The following TRIP13 variants were observed in gnomAD, a reference collection of about 807,000 sequenced individuals.
TRIP13 encodes the protein pachytene checkpoint protein 2 homolog.
A neutral mutation model predicts 54.4 loss-of-function variants in TRIP13; 25 were observed. The observed-to-expected ratio is 0.46, with a 90% CI of 0.33 to 0.64. TRIP13 has a LOEUF of 0.64. Ranked by LOEUF, TRIP13 falls within the 30% of genes least tolerant of loss-of-function variation. TRIP13 has a pLI of 0.02. For synonymous variants in TRIP13, 207 were observed against 207.8 expected, an observed-to-expected ratio of 1.00 and a Z score of 0.03; for missense variants, 373 against 534.2, an observed-to-expected ratio of 0.70 and a Z score of 2.97.
chr5:904,174 C>T lies in TRIP13; in HGVS notation c.562C>T (p.Leu188=), dbSNP rs189402529. The T allele has an allele frequency of 2.7e-5, 44 of 1,608,862 alleles. No homozygotes were observed. The Middle Eastern group carries it at 1.7e-3, about 60-fold the overall frequency. ...HGPPGTGKTS[L]CKALAQKLTI... ...TCCTCCTGGCACTGGAAAAACATCC[C>T]TGTGTAAAGCGTTAGCCCAGAAATT... The change falls in exon 6 of 13, where the codon CTG becomes TTG. Residue 188 remains leucine, a synonymous_variant. Coordinates refer to ENST00000166345, the MANE Select transcript of TRIP13 (RefSeq NM_004237.4).
chr5:896,287 C>T (rs963600111), intron 2 of TRIP13, among the ~76,000 whole-genome samples: 1 of 152,040 alleles, frequency 6.6e-6, no homozygotes, highest in Non-Finnish European at 1.5e-5. Context: ...GCACTCTAGC[C>T]TGGGCGACAA....
intron 9 of TRIP13, among the ~76,000 whole-genome samples, chr5:909,888 C>G (rs934273102): frequency 6.6e-6 from 1 of 152,394 alleles, no homozygotes; most frequent in South Asian, 2.1e-4. Context: ...GTTTTCCACC[C>G]TGGGCGGGCC....
At chr5:904,565 C>T (rs981323150) in intron 6 of TRIP13, among the ~76,000 whole-genome samples, 6 of 152,096 alleles carry the variant, frequency 3.9e-5, no homozygotes, top group Admixed American at 6.5e-5. Context: ...TTGGAAAATA[C>T]CTGGTCATTG....
chr5:907,900 C>A lies in TRIP13; in HGVS notation c.673-88C>A. 7.3e-7 allele frequency: 1 copy of A among 1,364,872 alleles called. No homozygotes were observed. The highest frequency in any genetic ancestry group is 1.0e-6 in the Non-Finnish European group (1 of 957,410). 84.5% of individuals were successfully genotyped at this position (1,364,872 alleles called of 1,614,324 possible). A position where few individuals can be genotyped will look rare whatever the true frequency, so the allele number is the denominator to read the frequency against. ...GGAGACAGTGGGCTTGTGGGGACAA[C>A]TGGGGCAGCAGGCCACATCAGGGTC... On this transcript the variant is annotated intron_variant, in intron 7 of 12. Transcript: ENST00000166345. This position sits in a 1 kb window ranked among gnomAD's most constrained non-coding sequence, Gnocchi z 4.1.
At position 917,889 on chromosome 5, in the gene TRIP13, T is replaced by A. The variant is rs1754369913; in HGVS notation, c.*786T>A. On this transcript the variant is annotated 3_prime_UTR_variant, in exon 13 of 13. Transcript: ENST00000166345. ...ATTAATATAATATAAAATAAATAGGTCAGTTACTGGTCTCTTTCTCCGAAT... is the reference window on the plus strand; with the variant it reads ...ATTAATATAATATAAAATAAATAGGACAGTTACTGGTCTCTTTCTCCGAAT... 6.6e-6 allele frequency: 1 copy of A among 152,192 alleles called. No individual in the cohort carries two copies. Among genetic ancestry groups the A allele is most frequent in the Non-Finnish European group, 1.5e-5 (1 of 68,032 alleles). The allele number at this position is 152,192 out of a possible 1,614,324, so 9.4% of individuals were successfully genotyped here.
At position 907,283 on chromosome 5, in the gene TRIP13, G is replaced by A; in HGVS notation, c.672+90G>A. 4 of 1,152,182 alleles carry A rather than the reference G, an allele frequency of 3.5e-6. No individual in the cohort carries two copies. The highest frequency in any genetic ancestry group is 5.1e-6 in the Non-Finnish European group (4 of 782,264). The allele number at this position is 1,152,182 out of a possible 1,614,324, so 71.4% of individuals were successfully genotyped here. On this transcript the variant is annotated intron_variant, in intron 7 of 12. Coordinates refer to ENST00000166345, the MANE Select transcript of TRIP13 (RefSeq NM_004237.4). This position sits in a 1 kb window ranked among gnomAD's most constrained non-coding sequence, Gnocchi z 4.1. ...GGCAAATCCTCCTCCAGAAGCTTCA[G>A]GAGAGAACTGGGTGGGAAGGGTGTG...
chr5:901,518 G>A lies in TRIP13; in HGVS notation c.535+87G>A, dbSNP rs78920571. ...CCTTCGTCCTTCTGCAAGGAGTTACGGCTCTTTGTTTTCTGAAGGAGCCAC... is the reference window on the plus strand; with the variant it reads ...CCTTCGTCCTTCTGCAAGGAGTTACAGCTCTTTGTTTTCTGAAGGAGCCAC... On this transcript the variant is annotated intron_variant, in intron 5 of 12. Transcript: ENST00000166345. 1.1e-3 allele frequency: 1,502 copies of A among 1,315,752 alleles called. 15 individuals carry two copies. In the African/African-American group the frequency reaches 0.019, roughly 16 times the overall value. 81.5% of individuals were successfully genotyped at this position (1,315,752 alleles called of 1,614,324 possible). A position where few individuals can be genotyped will look rare whatever the true frequency, so the allele number is the denominator to read the frequency against.
intron 2 of TRIP13, among the ~76,000 whole-genome samples, chr5:895,451 C>T (rs1181907094): frequency 1.3e-5 from 2 of 152,080 alleles, no homozygotes; most frequent in Non-Finnish European, 2.9e-5. Flanking sequence ...GCGATTCTGG[C>T]ACCAGTATAA....
chr5:912,899 AT>A lies in TRIP13; in HGVS notation c.1020+906del, dbSNP rs2150691143. 6.6e-6 allele frequency among the ~76,000 whole-genome samples: 1 copy of A among 152,344 alleles called. No homozygotes were observed. The highest frequency in any genetic ancestry group is 1.5e-5 in the Non-Finnish European group (1 of 68,034). On this transcript the variant is annotated intron_variant, in intron 10 of 12. Coordinates refer to ENST00000166345, the MANE Select transcript of TRIP13 (RefSeq NM_004237.4). This position sits in a 1 kb window ranked among gnomAD's most constrained non-coding sequence, Gnocchi z 7.2. ...TAACCAAGCAAACCAGTGAATGGGG[AT>A]TTAAACAGTGATGAGTTTAATGCAG...
intron 10 of TRIP13, among the ~76,000 whole-genome samples, chr5:914,224 G>A (rs951089227): frequency 6.6e-6 from 1 of 152,162 alleles, no homozygotes; most frequent in African/African-American, 2.4e-5. Flanking sequence ...GTTGCTACTG[G>A]TTTCTGAGGC....
chr5:908,204 G>T lies in TRIP13; in HGVS notation c.759+130G>T. On this transcript the variant is annotated intron_variant, in intron 8 of 12. Transcript: ENST00000166345. This position sits in a 1 kb window ranked among gnomAD's most constrained non-coding sequence, Gnocchi z 5.2. ...TGCCCTCTATCCCTCCCTGCACTGT[G>T]CGCCTTTCCACCTTGCCGCAGCATC... The T allele has an allele frequency of 7.3e-7, 1 of 1,375,556 alleles. No homozygotes were observed. The highest frequency in any genetic ancestry group is 1.0e-6 in the Non-Finnish European group (1 of 976,394). 85.2% of individuals were successfully genotyped at this position (1,375,556 alleles called of 1,614,324 possible).
chr5:900,416 G>A, intron 3 of TRIP13, 78 bp from the exon 4 acceptor site: 3 of 1,444,024 alleles, frequency 2.1e-6, no homozygotes, highest in Non-Finnish European at 1.9e-6. Flanking sequence ...CTCAGGCTTA[G>A]GCTCAGGGGA....
In TRIP13 at chr5:908,191, C is replaced by G; in HGVS notation, c.759+117C>G. On this transcript the variant is annotated intron_variant, in intron 8 of 12. Transcript: ENST00000166345. This position sits in a 1 kb window ranked among gnomAD's most constrained non-coding sequence, Gnocchi z 5.2. Reference sequence around the variant, plus strand: ...CCTACAGCCGGGCTGCCCTCTATCCCTCCCTGCACTGTGCGCCTTTCCACC... The same window carrying G: ...CCTACAGCCGGGCTGCCCTCTATCCGTCCCTGCACTGTGCGCCTTTCCACC... 7.2e-7 allele frequency: 1 copy of G among 1,387,172 alleles called. No homozygotes were observed. Among genetic ancestry groups the G allele is most frequent in the Non-Finnish European group, 1.0e-6 (1 of 983,984 alleles). The allele number at this position is 1,387,172 out of a possible 1,614,324, so 85.9% of individuals were successfully genotyped here.
rs541518750 is a variant in TRIP13, at chr5:917,000, C to T, written c.1204-8C>T. ...GAGCCCCTCCAGCAATGACCGTGTA[C>T]CTTCTAGGCCCCCACCGTCACCATA... On this transcript the variant is annotated splice_polypyrimidine_tract_variant and splice_region_variant and intron_variant, in intron 12 of 12. Transcript: ENST00000166345. 3 of 1,612,928 alleles carry T rather than the reference C, an allele frequency of 1.9e-6. No homozygotes were observed. Among genetic ancestry groups the T allele is most frequent in the African/African-American group, 1.3e-5 (1 of 74,970 alleles).
rs776828303 is a variant in TRIP13, at chr5:893,016, C to T, written c.18C>T (p.Gly6=). The T allele has an allele frequency of 4.4e-6, 7 of 1,586,580 alleles. No homozygotes were observed. Among genetic ancestry groups the T allele is most frequent in the South Asian group, 1.1e-5 (1 of 87,072 alleles). The change falls in exon 1 of 13, where the codon GGC becomes GGT. Residue 6 remains glycine, a synonymous_variant. Coordinates refer to ENST00000166345, the MANE Select transcript of TRIP13 (RefSeq NM_004237.4). MDEAV[G]DLKQALPCVA... is the part of the protein sequence containing the mutation. ...GGGGCGCCATGGACGAGGCCGTGGG[C>T]GACCTGAAGCAGGCGCTTCCCTGTG...
intron 3 of TRIP13, among the ~76,000 whole-genome samples, chr5:900,041 A>G (rs73020922): frequency 0.067 from 10,008 of 149,742 alleles, 1,221 homozygotes; most frequent in African/African-American, 0.23. Flanking sequence ...AAGCATATGG[A>G]TAAAAGACAA....
intron 5 of TRIP13, among the ~76,000 whole-genome samples, chr5:901,729 T>C (rs1413445438): frequency 6.6e-6 from 1 of 152,122 alleles, no homozygotes; most frequent in Non-Finnish European, 1.5e-5. Flanking sequence ...TTCCAGCAAC[T>C]CTCCTACCTC....
Position 907,931 on chromosome 5 carries a change from G to T in TRIP13, c.673-57G>T. On this transcript the variant is annotated intron_variant, in intron 7 of 12. Coordinates refer to ENST00000166345, the MANE Select transcript of TRIP13 (RefSeq NM_004237.4). The surrounding 1 kb of genome is among the most constrained non-coding windows in gnomAD (Gnocchi z 4.1). ...CAGCAGGCCACATCAGGGTCCCCCTGTGCACCTGGCAGTGTGGTCCCTGCA... is the reference window on the plus strand; with the variant it reads ...CAGCAGGCCACATCAGGGTCCCCCTTTGCACCTGGCAGTGTGGTCCCTGCA... 3 of 1,577,788 alleles carry T rather than the reference G, an allele frequency of 1.9e-6. No homozygotes were observed. The highest frequency in any genetic ancestry group is 2.6e-6 in the Non-Finnish European group (3 of 1,147,076).
chr5:914,251 A>G (rs917686740), intron 10 of TRIP13, among the ~76,000 whole-genome samples: 1 of 152,142 alleles, frequency 6.6e-6, no homozygotes, highest in Non-Finnish European at 1.5e-5. Flanking sequence ...CGTTATTTGT[A>G]TTTGTTTGAA....
Sources: gnomAD v4.1 joint callset for allele counts (sites outside exome capture counted in the v4.1 genomes callset) on GRCh38, gnomAD v4.1.1 for gene constraint, Gnocchi (gnomAD v3.1) non-coding constraint, MANE v1.5 for transcripts, NCBI Gene and HGNC (gene_info 2026-07-23, HGNC 2026-07-21) for gene names.